Variants in SCAPER observed in about 807,000 individuals in gnomAD.
SCAPER encodes the protein S phase cyclin A-associated protein in the endoplasmic reticulum.
Under a neutral mutation model 182.2 loss-of-function variants are expected in SCAPER, and 98 were observed. The ratio of observed to expected loss-of-function variants is 0.54; its 90% CI spans 0.46 to 0.64. The LOEUF is 0.64. Ranked by LOEUF, SCAPER falls within the 30% of genes least tolerant of loss-of-function variation. The pLI is 0.00. For synonymous variants in SCAPER, 605 were observed against 564.6 expected (o/e 1.07, Z -1.01); for missense variants, 1,432 against 1,690.0 (o/e 0.85, Z 2.68).
intron 23 of SCAPER, among the ~76,000 whole-genome samples, chr15:76,508,730 G>A (rs767067000): frequency 1.8e-4 from 27 of 152,056 alleles, no homozygotes; most frequent in Non-Finnish European, 1.0e-4. Context: ...TAGGGTGAAA[G>A]GCTCAGATCT....
intron 1 of SCAPER, among the ~76,000 whole-genome samples, chr15:76,885,281 T>C (rs2073780720): frequency 1.3e-5 from 2 of 152,228 alleles, no homozygotes. Context: ...TAGGTTATCA[T>C]GTCCAAAATT....
chr15:76,647,612 G>A (rs537784813), intron 21 of SCAPER, among the ~76,000 whole-genome samples: 2 of 152,324 alleles, frequency 1.3e-5, no homozygotes, highest in African/African-American at 2.4e-5. Context: ...GATGTATGCA[G>A]AGAAGGTCTA....
chr15:76,472,600 A>T (rs561954179), intron 24 of SCAPER, among the ~76,000 whole-genome samples: 1 of 152,274 alleles, frequency 6.6e-6, no homozygotes, highest in Non-Finnish European at 1.5e-5. Context: ...TCCTGACCTC[A>T]GGTGATCCAC....
At chr15:76,671,415 T>C (rs1381513373) in intron 20 of SCAPER, among the ~76,000 whole-genome samples, 1 of 152,088 alleles carries the variant, frequency 6.6e-6, no homozygotes, top group Non-Finnish European at 1.5e-5. Context: ...AGCAATTAGA[T>C]ATTAAAGTAA....
At chr15:76,397,646 A>T (rs2044168115) in intron 27 of SCAPER, among the ~76,000 whole-genome samples, 1 of 151,768 alleles carries the variant, frequency 6.6e-6, no homozygotes, top group African/African-American at 2.4e-5. Flanking sequence ...ACGCCCAGAT[A>T]ATTTTGTATT....
At chr15:76,436,180 G>A (rs892090646) in intron 25 of SCAPER, among the ~76,000 whole-genome samples, 1 of 152,098 alleles carries the variant, frequency 6.6e-6, no homozygotes, top group African/African-American at 2.4e-5. Flanking sequence ...CAATTCTCCT[G>A]CCTCAGCCTC....
At chr15:76,661,653 A>G (rs1040465052) in intron 21 of SCAPER, among the ~76,000 whole-genome samples, 2 of 152,208 alleles carry the variant, frequency 1.3e-5, no homozygotes, top group African/African-American at 2.4e-5. Context: ...GCCGGTCAGA[A>G]TAGCGATTAC....
rs536288105 is a variant in SCAPER at position 76,781,010 on chromosome 15, T to A, written c.773-5893A>T. Among the ~76,000 whole-genome samples the A allele has an allele frequency of 4.6e-5, 7 of 152,178 alleles. No individual in the cohort carries two copies. The East Asian group carries it at 1.4e-3, about 29-fold the overall frequency. On this transcript the variant is annotated intron_variant, in intron 8 of 31. Transcript: ENST00000563290. ...AAGGATCACAGCTCCCCGCCAGCAA[T>A]GGAACAAAGCTGGATGGAGGATGAC...
At chr15:76,415,721 T>C (rs991689844) in intron 26 of SCAPER, among the ~76,000 whole-genome samples, 1 of 152,036 alleles carries the variant, frequency 6.6e-6, no homozygotes, top group African/African-American at 2.4e-5. Flanking sequence ...ATATAAAAAA[T>C]ACATGAAATG....
At chr15:76,447,200 G>T (rs150841526) in intron 25 of SCAPER, among the ~76,000 whole-genome samples, 5 of 152,272 alleles carry the variant, frequency 3.3e-5, no homozygotes, top group Non-Finnish European at 7.3e-5. Context: ...GAAACACATG[G>T]AGGTTCTTGG....
intron 21 of SCAPER, among the ~76,000 whole-genome samples, chr15:76,622,471 C>T (rs754624661): frequency 1.3e-5 from 2 of 151,704 alleles, no homozygotes; most frequent in Non-Finnish European, 2.9e-5. Flanking sequence ...TACAATAGCC[C>T]TAATGAGGAA....
rs1354521965 is a variant in SCAPER, at chr15:76,667,460, G to A, written c.2509-1671C>T. ...TAACTTGAAGTATTACTCATACATAGAAAATTCTCAAATTTTTATCTCTAG... is the reference window on the plus strand; with the variant it reads ...TAACTTGAAGTATTACTCATACATAAAAAATTCTCAAATTTTTATCTCTAG... On this transcript the variant is annotated intron_variant, in intron 20 of 31. Coordinates refer to ENST00000563290, the MANE Select transcript of SCAPER (RefSeq NM_020843.4). Among the ~76,000 whole-genome samples, 3 of 151,740 alleles carry A rather than the reference G, an allele frequency of 2.0e-5. 1 individual carries two copies. Among genetic ancestry groups the A allele is most frequent in the East Asian group, 3.9e-4 (2 of 5,180 alleles).
intron 15 of SCAPER, 33 bp downstream of exon 15, chr15:76,753,775 A>C (rs371413747): frequency 1.9e-6 from 3 of 1,591,932 alleles, no homozygotes; most frequent in Non-Finnish European, 2.6e-6. Context: ...TACTTGGGTA[A>C]TTAAGTCAAC....
At chr15:76,752,213 T>C (rs2062130430) in intron 15 of SCAPER, among the ~76,000 whole-genome samples, 1 of 151,458 alleles carries the variant, frequency 6.6e-6, no homozygotes. Context: ...ATGACTACTA[T>C]CACAAAAACA....
At chr15:76,679,501 T>C (rs897140832) in intron 20 of SCAPER, among the ~76,000 whole-genome samples, 1 of 152,192 alleles carries the variant, frequency 6.6e-6, no homozygotes, top group Non-Finnish European at 1.5e-5. Context: ...CTTCTGAAAA[T>C]AAATATGTCA....
intron 23 of SCAPER, among the ~76,000 whole-genome samples, chr15:76,554,672 G>T (rs2046050390): frequency 6.6e-6 from 1 of 151,896 alleles, no homozygotes; most frequent in Non-Finnish European, 1.5e-5. Context: ...AAACAGAAAA[G>T]GCAGCTAGAG....
At chr15:76,351,111 G>C in intron 31 of SCAPER, 126 bp downstream of exon 31, 2 of 729,012 alleles carry the variant, frequency 2.7e-6, no homozygotes, top group Non-Finnish European at 4.2e-6. Flanking sequence ...CTTGGTATCT[G>C]AATCTCAAAT....
chr15:76,899,860 G>A (rs1595962889), intron 1 of SCAPER, among the ~76,000 whole-genome samples: 2 of 152,206 alleles, frequency 1.3e-5, no homozygotes, highest in East Asian at 1.9e-4. Flanking sequence ...AGCGACTATC[G>A]AGAACGGGCC....
At chr15:76,662,704 C>T (rs1360799821) in intron 21 of SCAPER, among the ~76,000 whole-genome samples, 2 of 151,848 alleles carry the variant, frequency 1.3e-5, no homozygotes, top group African/African-American at 4.8e-5. Flanking sequence ...AATCAAGGTG[C>T]TAAGCCATAT....
Sources: gnomAD v4.1 joint callset for allele counts (sites outside exome capture counted in the v4.1 genomes callset) on GRCh38, gnomAD v4.1.1 for gene constraint, MANE v1.5 for transcripts, NCBI Gene and HGNC (gene_info 2026-07-23, HGNC 2026-07-21) for gene names.